Variants in RELN observed in about 807,000 individuals in gnomAD.
RELN encodes reelin.
A neutral mutation model predicts 427.6 loss-of-function variants in RELN; 108 were observed. That is an observed-to-expected ratio of 0.25 (90% CI 0.22 to 0.30). The LOEUF is 0.30. Among genes scored for constraint, RELN ranks in the 10% least tolerant of loss-of-function variants. RELN has a pLI of 1.00. For missense variants in RELN, 3,715 were observed against 4,302.8 expected (o/e 0.86, Z 3.82); for synonymous variants, 1,524 against 1,513.4 (o/e 1.01, Z -0.16).
rs1336055158 is a variant in RELN at position 103,703,406 on chromosome 7, C to T, written c.806-2400G>A. ...TGTTCTTGCCCAGATGGAAATGGCTCCTTGATTCTGCCTAGGGTAAGATGA... is the reference window on the plus strand; with the variant it reads ...TGTTCTTGCCCAGATGGAAATGGCTTCTTGATTCTGCCTAGGGTAAGATGA... On this transcript the variant is annotated intron_variant, in intron 8 of 64. Transcript: ENST00000428762. 2.6e-5 allele frequency among the ~76,000 whole-genome samples: 4 copies of T among 152,190 alleles called. No homozygotes were observed. The South Asian group carries it at 6.2e-4, about 24-fold the overall frequency.
At chr7:103,708,913 C>T (rs1789716140) in intron 8 of RELN, among the ~76,000 whole-genome samples, 1 of 152,096 alleles carries the variant, frequency 6.6e-6, no homozygotes, top group African/African-American at 2.4e-5. Context: ...ATTTATTACT[C>T]CCTGACATGT....
chr7:103,920,207 T>C (rs1795581691), intron 1 of RELN, among the ~76,000 whole-genome samples: 1 of 152,212 alleles, frequency 6.6e-6, no homozygotes, highest in South Asian at 2.1e-4. Context: ...CTTTAAAATG[T>C]TTCCTTTAAA....
chr7:103,748,035 C>G (rs978243013), intron 6 of RELN, among the ~76,000 whole-genome samples: 1 of 151,250 alleles, frequency 6.6e-6, no homozygotes, highest in African/African-American at 2.4e-5. Flanking sequence ...TGAATTTGCC[C>G]TGAAAGAAAC....
chr7:103,720,415 T>A (rs1030153397), intron 8 of RELN, among the ~76,000 whole-genome samples: 2 of 152,082 alleles, frequency 1.3e-5, no homozygotes, highest in African/African-American at 4.8e-5. Context: ...ATTATGAACA[T>A]AATTGACCAC....
chr7:103,955,651 C>A (rs1418771451), intron 1 of RELN, among the ~76,000 whole-genome samples: 1 of 152,192 alleles, frequency 6.6e-6, no homozygotes, highest in Non-Finnish European at 1.5e-5. Flanking sequence ...ACTTTCCTGG[C>A]TCAGGTTTCT....
intron 7 of RELN, 63 bp downstream of exon 7, chr7:103,728,048 T>C (rs1790257608): frequency 1.3e-6 from 2 of 1,533,452 alleles, no homozygotes; most frequent in South Asian, 1.1e-5. Flanking sequence ...AGAAAAACTT[T>C]TGTTGGCAAA....
At chr7:103,495,604 A>T (rs975261892) in intron 57 of RELN, 119 bp downstream of exon 57, 13 of 977,134 alleles carry the variant, frequency 1.3e-5, no homozygotes, top group Admixed American at 7.4e-5. Context: ...TATTCATAAG[A>T]TAAAGTCTTT....
intron 20 of RELN, among the ~76,000 whole-genome samples, chr7:103,612,395 C>A (rs1323548027): frequency 6.6e-6 from 1 of 151,784 alleles, no homozygotes; most frequent in South Asian, 2.1e-4. Flanking sequence ...CCTGCCTCAG[C>A]CTCCCTAGTA....
intron 41 of RELN, among the ~76,000 whole-genome samples, chr7:103,546,545 G>A (rs1221288104): frequency 3.3e-5 from 5 of 152,128 alleles, no homozygotes; most frequent in Non-Finnish European, 7.4e-5. Context: ...TATGGTAAAT[G>A]ACAATCTTTT....
intron 2 of RELN, among the ~76,000 whole-genome samples, chr7:103,900,028 T>C (rs10458287): frequency 0.12 from 18,163 of 152,196 alleles, 1,377 homozygotes; most frequent in East Asian, 0.32. Flanking sequence ...GCAGTTGACA[T>C]GATTGTATAT....
At position 103,793,658 on chromosome 7, in the gene RELN, G is replaced by A. The variant is rs142003876; in HGVS notation, c.474-17031C>T. On this transcript the variant is annotated intron_variant, in intron 3 of 64. Transcript: ENST00000428762. ...TTTAGAGGCTAGTGAAAAACAGACA[G>A]TGGCCCTAGCAGGTGTATTTTCAGG... 1.3e-3 allele frequency among the ~76,000 whole-genome samples: 205 copies of A among 152,332 alleles called. 1 individual carries two copies. Among genetic ancestry groups the A allele is most frequent in the African/African-American group, 4.8e-3 (198 of 41,570 alleles).
rs373766515 is a variant in RELN, at chr7:103,820,290, G to T, written c.473+13247C>A. On this transcript the variant is annotated intron_variant, in intron 3 of 64. Transcript: ENST00000428762. Reference sequence around the variant, plus strand: ...GCCATAGTTGGTATGATACTTAAAAGACTTGATGTTTTCACCTAATATGAT... The same window carrying T: ...GCCATAGTTGGTATGATACTTAAAATACTTGATGTTTTCACCTAATATGAT... Among the ~76,000 whole-genome samples the T allele has an allele frequency of 7.2e-5, 11 of 152,010 alleles. No homozygotes were observed. In the East Asian group the frequency reaches 9.7e-4, roughly 13 times the overall value.
intron 2 of RELN, among the ~76,000 whole-genome samples, chr7:103,915,096 C>T (rs912794928): frequency 6.6e-6 from 1 of 152,132 alleles, no homozygotes; most frequent in Non-Finnish European, 1.5e-5. Flanking sequence ...AGTCCAGCCA[C>T]TCCAAGGTTT....
At position 103,782,578 on chromosome 7, in the gene RELN, A is replaced by G. The variant is rs145472499; in HGVS notation, c.474-5951T>C. 1.3e-3 allele frequency among the ~76,000 whole-genome samples: 205 copies of G among 152,234 alleles called. 1 individual carries two copies. The highest frequency in any genetic ancestry group is 4.8e-3 in the African/African-American group (198 of 41,544). The stretch of plus-strand genomic sequence containing the variant: ...AAATAAAAAGAAATTATCCCCCACA[A>G]GGCATTGGTCATAATGATTTGAACA... On this transcript the variant is annotated intron_variant, in intron 3 of 64. Coordinates refer to ENST00000428762, the MANE Select transcript of RELN (RefSeq NM_005045.4).
chr7:103,788,582 G>A (rs984872239), intron 3 of RELN, among the ~76,000 whole-genome samples: 4 of 152,014 alleles, frequency 2.6e-5, no homozygotes, highest in Non-Finnish European at 4.4e-5. Context: ...GCAAACTCCC[G>A]TTCACAATTG....
chr7:103,632,187 G>A (rs191977571), intron 19 of RELN, among the ~76,000 whole-genome samples: 16 of 152,274 alleles, frequency 1.1e-4, no homozygotes, highest in Admixed American at 9.8e-4. Flanking sequence ...TTCCCACTCT[G>A]ACTCCTACTG....
In RELN at chr7:103,989,318, T is replaced by C; in HGVS notation, c.39A>G (p.Leu13=). The change falls in exon 1 of 65, where the codon CTA becomes CTG. Residue 13 remains leucine, a synonymous_variant. Transcript: ENST00000428762. The surrounding 1 kb of genome is among the most constrained non-coding windows in gnomAD (Gnocchi z 4.9). Reference sequence around the variant, plus strand: ...TCAGCGTCGCCCCCAGCAACAGCGCTAGGAGGAAAGTCTGCCGGGCCCAGC... The same window carrying C: ...TCAGCGTCGCCCCCAGCAACAGCGCCAGGAGGAAAGTCTGCCGGGCCCAGC... The part of the protein sequence containing the change: ...RSGWARQTFL[L]ALLLGATLRA... 2 of 1,589,548 alleles carry C rather than the reference T, an allele frequency of 1.3e-6. No homozygotes were observed. Among genetic ancestry groups the C allele is most frequent in the Non-Finnish European group, 1.7e-6 (2 of 1,163,100 alleles).
intron 2 of RELN, among the ~76,000 whole-genome samples, chr7:103,840,441 C>CT (rs928390276): frequency 6.6e-6 from 1 of 152,264 alleles, no homozygotes; most frequent in African/African-American, 2.4e-5. Flanking sequence ...AGGACACCCC[C>CT]TCTCAAGCTT....
rs572120295 is a variant in RELN at position 103,892,520 on chromosome 7, T to C, written c.337+24555A>G. 1.5e-3 allele frequency among the ~76,000 whole-genome samples: 232 copies of C among 152,280 alleles called. 3 individuals carry two copies. The highest frequency in any genetic ancestry group is 5.2e-3 in the African/African-American group (216 of 41,578). On this transcript the variant is annotated intron_variant, in intron 2 of 64. Transcript: ENST00000428762. Reference sequence around the variant, plus strand: ...GACACCACAGTCATGGGGAAATATATCCACTTTCCAGATGTGTATTAGGGA... The same window carrying C: ...GACACCACAGTCATGGGGAAATATACCCACTTTCCAGATGTGTATTAGGGA...
Sources: allele counts gnomAD v4.1 joint callset (sites outside exome capture counted in the v4.1 genomes callset), GRCh38; gene constraint gnomAD v4.1.1; non-coding constraint Gnocchi (gnomAD v3.1); transcripts MANE v1.5; gene names NCBI Gene and HGNC (gene_info 2026-07-23, HGNC 2026-07-21).